SVOPL: variants seen among roughly 807,000 people sequenced by gnomAD.
The protein encoded by SVOPL is SVOP like, also known as putative transporter SVOPL.
A neutral mutation model predicts 61.0 loss-of-function variants in SVOPL; 60 were observed. That is an observed-to-expected ratio of 0.98 (90% confidence interval 0.80 to 1.22). The LOEUF is 1.22. Ranked by LOEUF, SVOPL falls within the 50% of genes most tolerant of loss-of-function variation. SVOPL has a pLI of 0.00. For synonymous variants in SVOPL, 279 were observed against 250.0 expected, an observed-to-expected ratio of 1.12 and a Z score of -1.09; for missense variants, 662 against 643.9, an observed-to-expected ratio of 1.03 and a Z score of -0.30.
chr7:138,673,157 G>A (rs1040810902), intron 3 of SVOPL, among the ~76,000 whole-genome samples: 1 of 143,564 alleles, frequency 7.0e-6, no homozygotes, highest in African/African-American at 2.8e-5. Flanking sequence ...ATATCTATAT[G>A]GGTTATTATA....
At chr7:138,628,578 G>A (rs939250236) in intron 10 of SVOPL, among the ~76,000 whole-genome samples, 3 of 152,160 alleles carry the variant, frequency 2.0e-5, no homozygotes, top group South Asian at 2.1e-4. Flanking sequence ...CAGAATTGCC[G>A]GGCCATAGTA....
chr7:138,599,167 A>AAAAAAAAAC lies in SVOPL; in HGVS notation c.1354-2638_1354-2637insGTTTTTTTT, dbSNP rs58372563. On this transcript the variant is annotated intron_variant, in intron 14 of 15. Transcript: ENST00000674285. ...AAAAAAAAAAAAAAAACCAAAAAAA[A>AAAAAAAAAC]AAGAAATACAGAAATGTCAAAAGAC... is the stretch of plus-strand genomic sequence containing the variant. Among the ~76,000 whole-genome samples the AAAAAAAAAC allele has an allele frequency of 4.2e-4, 51 of 121,792 alleles. 3 individuals carry two copies. Among genetic ancestry groups the AAAAAAAAAC allele is most frequent in the South Asian group, 1.5e-3 (6 of 3,892 alleles). The allele number at this position is 121,792 out of a possible 152,430, so 79.9% of individuals were successfully genotyped here.
intron 9 of SVOPL, among the ~76,000 whole-genome samples, chr7:138,637,467 TAGATATAG>T (rs1563108720): frequency 1.0e-3 from 31 of 30,820 alleles, no homozygotes; most frequent in South Asian, 3.2e-3. Context: ...TATATATATA[TAGATATAG>T]ATATAGATAT....
At chr7:138,660,401 C>T (rs1801952597) in intron 5 of SVOPL, 10 of 985,670 alleles carry the variant, frequency 1.0e-5, no homozygotes, top group South Asian at 4.7e-5. Context: ...GTAAACAATA[C>T]AGAAGAAAAA....
intron 4 of SVOPL, among the ~76,000 whole-genome samples, chr7:138,663,819 CA>C (rs147836776): frequency 0.06 from 9,121 of 152,140 alleles, 629 homozygotes; most frequent in East Asian, 0.23. Context: ...GCCTCCAGGG[CA>C]ATCAAAGGAA....
In SVOPL at chr7:138,681,537, CTG is replaced by C. The variant is rs1216687071; in HGVS notation, c.-34-2460_-34-2459del. Among the ~76,000 whole-genome samples the C allele has an allele frequency of 2.0e-5, 3 of 151,854 alleles. No homozygotes were observed. In the Admixed American group the frequency reaches 2.0e-4, roughly 10 times the overall value. On this transcript the variant is annotated intron_variant, in intron 1 of 15. Transcript: ENST00000674285. ...GTAATGAAAGATTACAAAATTAAAA[CTG>C]AGGGCTGGGCGTGGTAGCTCACACC...
chr7:138,677,271 A>T (rs935735031), intron 3 of SVOPL, among the ~76,000 whole-genome samples: 1 of 152,040 alleles, frequency 6.6e-6, no homozygotes, highest in Non-Finnish European at 1.5e-5. Context: ...CAGTAGAAAA[A>T]AGACTGCTGC....
Position 138,655,654 on chromosome 7 carries a change from T to C in SVOPL, c.534+794A>G, listed in dbSNP as rs563537387. Among the ~76,000 whole-genome samples, 37 of 129,992 alleles carry C rather than the reference T, an allele frequency of 2.8e-4. No homozygotes were observed. The East Asian group carries it at 6.7e-3, about 23-fold the overall frequency. The allele number at this position is 129,992 out of a possible 152,430, so 85.3% of individuals were successfully genotyped here. A position where few individuals can be genotyped will look rare whatever the true frequency, so the allele number is the denominator to read the frequency against. The stretch of plus-strand genomic sequence containing the variant: ...TATATATACTATTATATATATATTA[T>C]ACTAATATATTTACGTATAATTTAC... On this transcript the variant is annotated intron_variant, in intron 7 of 15. Coordinates refer to ENST00000674285, the MANE Select transcript of SVOPL (RefSeq NM_001139456.2).
At chr7:138,690,765 TTTC>T (rs781708364) in intron 1 of SVOPL, among the ~76,000 whole-genome samples, 170 of 121,334 alleles carry the variant, frequency 1.4e-3, no homozygotes, top group Middle Eastern at 5.2e-3. Context: ...TACCCTTTTC[TTTC>T]TTTCTTTCTT....
intron 1 of SVOPL, among the ~76,000 whole-genome samples, chr7:138,684,938 T>TTC (rs1563138097): frequency 3.3e-5 from 5 of 151,282 alleles, no homozygotes; most frequent in African/African-American, 1.2e-4. Context: ...TCTTTTCTTT[T>TTC]TTTTTTTTTT....
At chr7:138,672,972 G>A (rs561517794) in intron 3 of SVOPL, among the ~76,000 whole-genome samples, 1 of 151,368 alleles carries the variant, frequency 6.6e-6, no homozygotes, top group East Asian at 1.9e-4. Context: ...AATAGATGAT[G>A]AAAGTTAGGT....
At chr7:138,658,696 A>T (rs1029743604) in intron 6 of SVOPL, among the ~76,000 whole-genome samples, 1 of 152,058 alleles carries the variant, frequency 6.6e-6, no homozygotes, top group African/African-American at 2.4e-5. Flanking sequence ...TTGATCTAGC[A>T]CTCTGCTAGC....
intron 14 of SVOPL, among the ~76,000 whole-genome samples, chr7:138,606,741 G>A (rs1457747183): frequency 2.6e-4 from 40 of 152,150 alleles, no homozygotes; most frequent in Admixed American, 2.6e-3. Context: ...ATCACCTGAG[G>A]TCAGGAGTTC....
At chr7:138,643,767 G>T (rs544258770) in intron 9 of SVOPL, among the ~76,000 whole-genome samples, 6 of 151,902 alleles carry the variant, frequency 3.9e-5, no homozygotes, top group Non-Finnish European at 8.8e-5. Flanking sequence ...GGGGAACAAA[G>T]TTTTTGTTTA....
At chr7:138,626,443 G>A (rs530650660) in intron 12 of SVOPL, among the ~76,000 whole-genome samples, 1 of 152,118 alleles carries the variant, frequency 6.6e-6, no homozygotes, top group Non-Finnish European at 1.5e-5. Flanking sequence ...CCCAGCCTTG[G>A]GTGCAGTGGC....
chr7:138,654,876 T>C (rs1180364344), intron 7 of SVOPL, among the ~76,000 whole-genome samples: 1 of 140,330 alleles, frequency 7.1e-6, no homozygotes, highest in Non-Finnish European at 1.5e-5. Flanking sequence ...TCCTTTTTTT[T>C]TTTTTTTTTA....
chr7:138,699,159 T>A (rs762005718), intron 1 of SVOPL, among the ~76,000 whole-genome samples: 131 of 151,246 alleles, frequency 8.7e-4, no homozygotes, highest in African/African-American at 3.0e-3. Flanking sequence ...CTCCAAAAAA[T>A]TAGCTGGGTG....
chr7:138,629,096 G>A (rs1235452026), intron 10 of SVOPL, among the ~76,000 whole-genome samples: 2 of 148,182 alleles, frequency 1.3e-5, no homozygotes, highest in Non-Finnish European at 3.0e-5. Context: ...TTGAAAAAAT[G>A]ATATGTCTAA....
In SVOPL at chr7:138,660,307, C is replaced by T. The variant is rs201825938; in HGVS notation, c.346-319G>A. 1,079 of 1,072,716 alleles carry T rather than the reference C, an allele frequency of 1.0e-3. 1 individual carries two copies. Among genetic ancestry groups the T allele is most frequent in the African/African-American group, 4.8e-3 (291 of 60,364 alleles). 66.4% of individuals were successfully genotyped at this position (1,072,716 alleles called of 1,614,324 possible). A position where few individuals can be genotyped will look rare whatever the true frequency, so the allele number is the denominator to read the frequency against. On this transcript the variant is annotated intron_variant, in intron 5 of 15. Coordinates refer to ENST00000674285, the MANE Select transcript of SVOPL (RefSeq NM_001139456.2). ...TCCCTACTCACAGGGCTGCTGGGGA[C>T]GTAATGAGGCAGTATGTTGGGAGGA...
Sources: allele counts gnomAD v4.1 joint callset (sites outside exome capture counted in the v4.1 genomes callset), GRCh38; gene constraint gnomAD v4.1.1; transcripts MANE v1.5; gene names NCBI Gene and HGNC (gene_info 2026-07-23, HGNC 2026-07-21).